Variants in PTPRO observed in about 807,000 individuals in gnomAD.
PTPRO encodes the protein receptor-type tyrosine-protein phosphatase O.
Under a neutral mutation model 145.2 loss-of-function variants are expected in PTPRO, and 62 were observed. That is an observed-to-expected ratio of 0.43 (90% CI 0.35 to 0.53). The LOEUF (loss-of-function observed/expected upper bound fraction) is 0.53, where lower values mean the gene tolerates loss of function less well. Ranked by LOEUF, PTPRO falls within the 20% of genes least tolerant of loss-of-function variation. The pLI, the probability that PTPRO is intolerant of heterozygous loss-of-function variation, is 0.01. For synonymous variants in PTPRO, 565 were observed against 514.7 expected, an observed-to-expected ratio of 1.10 and a Z score of -1.32; for missense variants, 1,345 against 1,482.7, an observed-to-expected ratio of 0.91 and a Z score of 1.53.
At chr12:15,573,453 A>C (rs1158917450) in intron 19 of PTPRO, among the ~76,000 whole-genome samples, 1 of 152,346 alleles carries the variant, frequency 6.6e-6, no homozygotes, top group East Asian at 1.9e-4. Context: ...TTGACGTCTA[A>C]AATTAACCAT....
intron 1 of PTPRO, among the ~76,000 whole-genome samples, chr12:15,380,089 T>C (rs1459333809): frequency 6.6e-6 from 1 of 152,144 alleles, no homozygotes; most frequent in African/African-American, 2.4e-5. Context: ...CTCCAGCATA[T>C]CACCTAATAA....
At chr12:15,580,649 GTGT>G in intron 21 of PTPRO, 45 bp from the exon 22 acceptor site, 1 of 1,612,848 alleles carries the variant, frequency 6.2e-7, no homozygotes, top group Non-Finnish European at 8.5e-7. Context: ...GCAGCATTTG[GTGT>G]TGACAGTGTC....
intron 2 of PTPRO, among the ~76,000 whole-genome samples, chr12:15,495,794 A>G (rs925334698): frequency 6.6e-6 from 1 of 152,196 alleles, no homozygotes; most frequent in African/African-American, 2.4e-5. Flanking sequence ...CAGAAATTTC[A>G]TTGATTATAA....
At chr12:15,397,293 G>A (rs1939367120) in intron 1 of PTPRO, among the ~76,000 whole-genome samples, 1 of 152,044 alleles carries the variant, frequency 6.6e-6, no homozygotes, top group Non-Finnish European at 1.5e-5. Context: ...AAACAACTAT[G>A]TGCCTGCCAC....
intron 1 of PTPRO, among the ~76,000 whole-genome samples, chr12:15,360,765 T>A (rs1189636005): frequency 6.7e-6 from 1 of 148,662 alleles, no homozygotes; most frequent in Non-Finnish European, 1.5e-5. Flanking sequence ...TATATGTGTG[T>A]ATATATACGT....
chr12:15,531,541 C>A (rs537588128), intron 12 of PTPRO, among the ~76,000 whole-genome samples: 9 of 152,224 alleles, frequency 5.9e-5, no homozygotes, highest in African/African-American at 2.2e-4. Context: ...ACACAAAACA[C>A]ATCTTCTACA....
chr12:15,360,065 A>T (rs1241653245), intron 1 of PTPRO, among the ~76,000 whole-genome samples: 5 of 152,158 alleles, frequency 3.3e-5, no homozygotes, highest in African/African-American at 1.2e-4. Context: ...TATCGCAGAG[A>T]TTATTCCTAA....
chr12:15,487,300 C>A (rs1941909116), intron 2 of PTPRO, among the ~76,000 whole-genome samples: 1 of 152,090 alleles, frequency 6.6e-6, no homozygotes, highest in Non-Finnish European at 1.5e-5. Context: ...GCCTCTTCTC[C>A]AGTGGTAGCA....
chr12:15,483,557 C>T (rs1941824761), intron 1 of PTPRO, among the ~76,000 whole-genome samples: 1 of 152,062 alleles, frequency 6.6e-6, no homozygotes, highest in Non-Finnish European at 1.5e-5. Context: ...AGCATCACTC[C>T]CTCTAAAGTA....
intron 1 of PTPRO, among the ~76,000 whole-genome samples, chr12:15,353,818 GT>G (rs1937891992): frequency 6.6e-6 from 1 of 152,038 alleles, no homozygotes; most frequent in Non-Finnish European, 1.5e-5. Context: ...CCACCTCTTG[GT>G]AGCCATTACT....
intron 1 of PTPRO, among the ~76,000 whole-genome samples, chr12:15,444,779 A>G (rs1045493968): frequency 6.6e-6 from 1 of 152,088 alleles, no homozygotes; most frequent in Non-Finnish European, 1.5e-5. Flanking sequence ...TTGATCTTTG[A>G]CTTCCCAGCT....
rs755884985 is a variant in PTPRO at position 15,501,818 on chromosome 12, A to G, written c.860A>G (p.Asn287Ser). 2.0e-5 allele frequency: 32 copies of G among 1,614,012 alleles called. No individual in the cohort carries two copies. The highest frequency in any genetic ancestry group is 2.3e-5 in the Non-Finnish European group (27 of 1,180,018). ...ATTTCTTCCGGTTGGCCTGATTTTA[A>G]TAGCAGTGACTATGAAACTACGTCT... is the stretch of plus-strand genomic sequence containing the variant. ...GNISSGWPDF[N>S]SSDYETTSQP... Residue 287 changes from asparagine (N) to serine (S), a missense_variant, in exon 5 of 27, where the codon AAT (asparagine) becomes AGT (serine). Physicochemically the swap from Asn to Ser is conservative, Grantham distance 46. Around this residue, in one of 3 missense-constraint regions of PTPRO, gnomAD observed 1,130 missense variants for 1,214.7 expected, o/e 0.93. Transcript: ENST00000281171.
chr12:15,322,891 C>T lies in PTPRO; in HGVS notation c.75+90C>T. 11 of 1,374,868 alleles carry T rather than the reference C, an allele frequency of 8.0e-6. No homozygotes were observed. Among genetic ancestry groups the T allele is most frequent in the Non-Finnish European group, 1.1e-5 (11 of 994,636 alleles). The allele number at this position is 1,374,868 out of a possible 1,614,324, so 85.2% of individuals were successfully genotyped here. On this transcript the variant is annotated intron_variant, in intron 1 of 26. Coordinates refer to ENST00000281171, the MANE Select transcript of PTPRO (RefSeq NM_030667.3). This position sits in a 1 kb window ranked among gnomAD's most constrained non-coding sequence, Gnocchi z 6.3. ...GCTCTGCCGTTGGGAGCGGCGCGCC[C>T]CAGGGCACGATGGCCCAGCCGCGGG...
chr12:15,520,167 G>C (rs1942684940), intron 9 of PTPRO, 34 bp from the exon 10 acceptor site: 1 of 1,450,638 alleles, frequency 6.9e-7, no homozygotes, highest in Non-Finnish European at 9.7e-7. Context: ...TTCTCCCACA[G>C]TCTTTTGTCT....
At chr12:15,354,588 A>T (rs1168423113) in intron 1 of PTPRO, among the ~76,000 whole-genome samples, 2 of 152,106 alleles carry the variant, frequency 1.3e-5, no homozygotes, top group African/African-American at 4.8e-5. Context: ...AAGTAGCTTC[A>T]CTCATCTAAG....
chr12:15,384,904 T>C (rs1194118145), intron 1 of PTPRO, among the ~76,000 whole-genome samples: 1 of 152,228 alleles, frequency 6.6e-6, no homozygotes, highest in Non-Finnish European at 1.5e-5. Context: ...AAAATATTAA[T>C]GAACGCTGAA....
rs556853971 is a variant in PTPRO, at chr12:15,548,377, G to A, written c.2305-717G>A. Among the ~76,000 whole-genome samples the A allele has an allele frequency of 2.6e-5, 4 of 152,194 alleles. No homozygotes were observed. In the East Asian group the frequency reaches 7.7e-4, roughly 29 times the overall value. ...GTCTGTAGAGAACTATTTTTCTATA[G>A]CTTTCAAAATTTTAAATGTACACTT... is the stretch of plus-strand genomic sequence containing the variant. On this transcript the variant is annotated intron_variant, in intron 13 of 26. Transcript: ENST00000281171.
At chr12:15,391,523 C>A (rs1939188134) in intron 1 of PTPRO, among the ~76,000 whole-genome samples, 1 of 152,186 alleles carries the variant, frequency 6.6e-6, no homozygotes, top group Admixed American at 6.5e-5. Context: ...GACCTGGAAA[C>A]ACAGATATTC....
chr12:15,564,353 G>T (rs1012094497), intron 17 of PTPRO, among the ~76,000 whole-genome samples: 1 of 152,142 alleles, frequency 6.6e-6, no homozygotes. Flanking sequence ...GTATTCAATT[G>T]TTAAAGGAAT....
Sources: allele counts gnomAD v4.1 joint callset (sites outside exome capture counted in the v4.1 genomes callset), GRCh38; gene constraint gnomAD v4.1.1; regional missense constraint gnomAD v4.1.1; non-coding constraint Gnocchi (gnomAD v3.1); transcripts MANE v1.5; gene names NCBI Gene and HGNC (gene_info 2026-07-23, HGNC 2026-07-21).